USP6NL: variants seen among roughly 807,000 people sequenced by gnomAD.
The protein encoded by USP6NL is USP6 N-terminal like.
Under a neutral mutation model 61.9 loss-of-function variants are expected in USP6NL, and 26 were observed. The ratio of observed to expected loss-of-function variants is 0.42; its 90% CI spans 0.31 to 0.58. The LOEUF (loss-of-function observed/expected upper bound fraction) is 0.58. Among genes scored for constraint, USP6NL ranks in the 20% least tolerant of loss-of-function variants. The probability of loss-of-function intolerance (pLI) is 0.16; values close to 1 mark genes in which losing one functional copy is unlikely to be tolerated. For synonymous variants in USP6NL, 432 were observed against 390.1 expected (o/e 1.11, Z -1.27); for missense variants, 1,114 against 1,034.3 (o/e 1.08, Z -1.06).
chr10:11,570,485 A>G (rs1837316358), intron 2 of USP6NL, among the ~76,000 whole-genome samples: 1 of 151,866 alleles, frequency 6.6e-6, no homozygotes, highest in Non-Finnish European at 1.5e-5. Context: ...TTCAAAATCT[A>G]CTCTTACTTT....
intron 14 of USP6NL, among the ~76,000 whole-genome samples, chr10:11,480,621 T>C (rs1194362332): frequency 6.6e-6 from 1 of 152,210 alleles, no homozygotes; most frequent in African/African-American, 2.4e-5. Flanking sequence ...TGAGCAAACC[T>C]TGGAGCAGTG....
At chr10:11,576,644 TAAGA>T in intron 2 of USP6NL, among the ~76,000 whole-genome samples, 1 of 152,232 alleles carries the variant, frequency 6.6e-6, no homozygotes, top group East Asian at 1.9e-4. Flanking sequence ...TCCAGAACTG[TAAGA>T]AATAAACTTC....
At position 11,476,488 on chromosome 10, in the gene USP6NL, G is replaced by A. The variant is rs933684339; in HGVS notation, c.1078+5282C>T. Among the ~76,000 whole-genome samples the A allele has an allele frequency of 2.0e-5, 3 of 152,104 alleles. No homozygotes were observed. Among genetic ancestry groups the A allele is most frequent in the South Asian group, 2.1e-4 (1 of 4,826 alleles). On this transcript the variant is annotated intron_variant, in intron 14 of 14. Coordinates refer to ENST00000609104, the MANE Select transcript of USP6NL (RefSeq NM_014688.5). The surrounding 1 kb of genome is among the most constrained non-coding windows in gnomAD (Gnocchi z 4.3). ...TCACAATAAAAAAGTTTCAAAAAAT[G>A]TTTCAACAGCAACTACAAAACATAC... is the stretch of plus-strand genomic sequence containing the variant.
At chr10:11,526,227 A>G (rs1835414431) in intron 3 of USP6NL, among the ~76,000 whole-genome samples, 1 of 152,186 alleles carries the variant, frequency 6.6e-6, no homozygotes, top group Non-Finnish European at 1.5e-5. Context: ...AACACTGATC[A>G]GTGAAGAAAC....
At chr10:11,603,723 A>G (rs1838625053) in intron 1 of USP6NL, among the ~76,000 whole-genome samples, 2 of 152,202 alleles carry the variant, frequency 1.3e-5, no homozygotes, top group Admixed American at 1.3e-4. Flanking sequence ...TTGGGATAAA[A>G]CAATCAAGAC....
intron 4 of USP6NL, among the ~76,000 whole-genome samples, chr10:11,524,262 T>C (rs538095533): frequency 6.6e-6 from 1 of 152,254 alleles, no homozygotes; most frequent in East Asian, 1.9e-4. Context: ...AGAAGAACAT[T>C]TCAGATAGCT....
rs757974511 is a variant in USP6NL, at chr10:11,474,614, G to A, written c.1078+7156C>T. ...TGAATTAAATGTAAGGAAGAAATAC[G>A]TTTCTAAATTTGTGAGTTTAATAAA... On this transcript the variant is annotated intron_variant, in intron 14 of 14. Coordinates refer to ENST00000609104, the MANE Select transcript of USP6NL (RefSeq NM_014688.5). This position sits in a 1 kb window ranked among gnomAD's most constrained non-coding sequence, Gnocchi z 4.9. Among the ~76,000 whole-genome samples, 22 of 151,990 alleles carry A rather than the reference G, an allele frequency of 1.4e-4. No homozygotes were observed. Among genetic ancestry groups the A allele is most frequent in the Non-Finnish European group, 3.1e-4 (21 of 67,986 alleles).
At chr10:11,546,034 A>T (rs1313579453) in intron 2 of USP6NL, among the ~76,000 whole-genome samples, 1 of 152,238 alleles carries the variant, frequency 6.6e-6, no homozygotes, top group African/African-American at 2.4e-5. Flanking sequence ...ACGATTTTTA[A>T]TACCATTGAT....
At chr10:11,498,742 T>C (rs182894206) in intron 7 of USP6NL, among the ~76,000 whole-genome samples, 225 of 152,276 alleles carry the variant, frequency 1.5e-3, no homozygotes, top group African/African-American at 4.8e-3. Context: ...GGGAAGGTCT[T>C]TGCAATGTGC....
chr10:11,460,655 A>ATATATATATAT lies in USP6NL; in HGVS notation c.*1785_*1786insATATATATATA, dbSNP rs1566103991. 2.4e-5 allele frequency: 3 copies of ATATATATATAT among 127,266 alleles called. No individual in the cohort carries two copies. The highest frequency in any genetic ancestry group is 6.1e-5 in the African/African-American group (2 of 32,536). The allele number at this position is 127,266 out of a possible 1,614,324, so 7.9% of individuals were successfully genotyped here. ...TATATATATATATATATATATATAT[A>ATATATATATAT]AAAATCTACAGTATTTACCACTGTT... On this transcript the variant is annotated 3_prime_UTR_variant, in exon 15 of 15. Transcript: ENST00000609104.
chr10:11,467,414 G>A (rs1456059329), intron 14 of USP6NL, among the ~76,000 whole-genome samples: 2 of 152,150 alleles, frequency 1.3e-5, no homozygotes. Flanking sequence ...TGAAATGTTT[G>A]ATCTAGGAAT....
At chr10:11,608,700 C>T (rs1417448884) in intron 1 of USP6NL, among the ~76,000 whole-genome samples, 1 of 152,176 alleles carries the variant, frequency 6.6e-6, no homozygotes, top group East Asian at 1.9e-4. Flanking sequence ...AAACAAAGTA[C>T]CTAACACAAA....
At chr10:11,508,294 GA>G (rs1230738087) in intron 6 of USP6NL, among the ~76,000 whole-genome samples, 1 of 152,154 alleles carries the variant, frequency 6.6e-6, no homozygotes, top group Non-Finnish European at 1.5e-5. Flanking sequence ...ATTAAATCAT[GA>G]AATCTTCATC....
Position 11,525,542 on chromosome 10 carries a change from A to T in USP6NL, c.73-74T>A. The T allele has an allele frequency of 8.0e-7, 1 of 1,256,460 alleles. No homozygotes were observed. The highest frequency in any genetic ancestry group is 1.1e-6 in the Non-Finnish European group (1 of 915,748). The allele number at this position is 1,256,460 out of a possible 1,614,324, so 77.8% of individuals were successfully genotyped here. ...ATAATTTTTTAAAATAAAAGGACGA[A>T]GAAATAAGAGCTATTTTTAATGTAT... is the stretch of plus-strand genomic sequence containing the variant. On this transcript the variant is annotated intron_variant, in intron 3 of 14. Coordinates refer to ENST00000609104, the MANE Select transcript of USP6NL (RefSeq NM_014688.5). This position sits in a 1 kb window ranked among gnomAD's most constrained non-coding sequence, Gnocchi z 5.0.
intron 14 of USP6NL, among the ~76,000 whole-genome samples, chr10:11,475,412 G>A (rs529304408): frequency 7.6e-4 from 116 of 151,872 alleles, no homozygotes; most frequent in Non-Finnish European, 1.3e-3. Context: ...GACCAACATG[G>A]AGAAACCCCA....
At chr10:11,580,882 T>C (rs1037552046) in intron 2 of USP6NL, among the ~76,000 whole-genome samples, 4 of 151,646 alleles carry the variant, frequency 2.6e-5, no homozygotes, top group African/African-American at 9.7e-5. Flanking sequence ...GATGGATGGA[T>C]GGATGGATGG....
Position 11,481,730 on chromosome 10 carries a change from T to G in USP6NL, c.1078+40A>C, listed in dbSNP as rs965608847. 1.9e-6 allele frequency: 3 copies of G among 1,555,166 alleles called. No individual in the cohort carries two copies. The highest frequency in any genetic ancestry group is 1.4e-5 in the African/African-American group (1 of 72,496). On this transcript the variant is annotated intron_variant, in intron 14 of 14. Coordinates refer to ENST00000609104, the MANE Select transcript of USP6NL (RefSeq NM_014688.5). The surrounding 1 kb of genome is among the most constrained non-coding windows in gnomAD (Gnocchi z 4.4). ...TTAATTATGCCATGTCTTCCAATCT[T>G]AATTATAACGTAGATATAAAGTATT... is the stretch of plus-strand genomic sequence containing the variant.
intron 1 of USP6NL, among the ~76,000 whole-genome samples, chr10:11,601,699 T>C (rs1838537077): frequency 6.6e-6 from 1 of 152,242 alleles, no homozygotes; most frequent in Non-Finnish European, 1.5e-5. Flanking sequence ...AGAGTTGTAG[T>C]GGTTCATTTG....
intron 6 of USP6NL, among the ~76,000 whole-genome samples, chr10:11,508,572 T>G (rs762215208): frequency 3.3e-5 from 5 of 152,230 alleles, no homozygotes; most frequent in African/African-American, 7.2e-5. Flanking sequence ...TAGTGATTCC[T>G]CACTCTGTGT....
Sources: gnomAD v4.1 joint callset for allele counts (sites outside exome capture counted in the v4.1 genomes callset) on GRCh38, gnomAD v4.1.1 for gene constraint, Gnocchi (gnomAD v3.1) non-coding constraint, MANE v1.5 for transcripts, NCBI Gene and HGNC (gene_info 2026-07-23, HGNC 2026-07-21) for gene names.